Variants in PAPPA2 observed in about 807,000 individuals in gnomAD.
PAPPA2 encodes the protein pappalysin 2, also known as pappalysin-2.
In PAPPA2, 86 loss-of-function variants were observed where a neutral mutation model predicts 176.4. That is an observed-to-expected ratio of 0.49 (90% CI 0.41 to 0.58). PAPPA2 has a LOEUF of 0.58. Ranked by LOEUF, PAPPA2 falls within the 20% of genes least tolerant of loss-of-function variation. The probability of loss-of-function intolerance (pLI) is 0.00; values close to 1 mark genes in which losing one functional copy is unlikely to be tolerated. For missense variants in PAPPA2, 2,073 were observed against 2,256.9 expected, an observed-to-expected ratio of 0.92 and a Z score of 1.65; for synonymous variants, 809 against 852.2, an observed-to-expected ratio of 0.95 and a Z score of 0.88.
intron 4 of PAPPA2, among the ~76,000 whole-genome samples, chr1:176,683,227 C>A (rs1163231344): frequency 6.6e-6 from 1 of 151,926 alleles, no homozygotes; most frequent in African/African-American, 2.4e-5. Flanking sequence ...CTTTTCTTCC[C>A]CCACACCATC....
At chr1:176,678,301 G>A (rs1282064721) in intron 4 of PAPPA2, among the ~76,000 whole-genome samples, 2 of 151,980 alleles carry the variant, frequency 1.3e-5, no homozygotes, top group Non-Finnish European at 2.9e-5. Flanking sequence ...AGTAATTGGG[G>A]CATATAATTT....
At chr1:176,717,384 A>T (rs1179627089) in intron 12 of PAPPA2, among the ~76,000 whole-genome samples, 1 of 152,178 alleles carries the variant, frequency 6.6e-6, no homozygotes, top group Non-Finnish European at 1.5e-5. Context: ...CCCAAAAGTT[A>T]CCCTATATAG....
intron 1 of PAPPA2, among the ~76,000 whole-genome samples, chr1:176,517,741 A>G (rs531868351): frequency 2.8e-4 from 43 of 152,290 alleles, no homozygotes; most frequent in African/African-American, 1.0e-3. Flanking sequence ...ACCACCGGAA[A>G]CAAGGCAGTC....
chr1:176,667,179 G>C (rs1240375105), intron 3 of PAPPA2, among the ~76,000 whole-genome samples: 1 of 151,916 alleles, frequency 6.6e-6, no homozygotes, highest in East Asian at 1.9e-4. Flanking sequence ...CAGGGAGGTG[G>C]AGGTTGTGTT....
In PAPPA2 at chr1:176,469,514, G is replaced by A. The variant is rs531666465; in HGVS notation, c.-917+6096G>A. ...GGAAGAAATGGGGACCGCAGCTTGGGTGATGCCTTGGGAAGTGCTTGTCGT... is the reference window on the plus strand; with the variant it reads ...GGAAGAAATGGGGACCGCAGCTTGGATGATGCCTTGGGAAGTGCTTGTCGT... On this transcript the variant is annotated intron_variant, in intron 1 of 22. Coordinates refer to ENST00000367662, the MANE Select transcript of PAPPA2 (RefSeq NM_020318.3). 1.3e-5 allele frequency among the ~76,000 whole-genome samples: 2 copies of A among 152,316 alleles called. 1 individual carries two copies. Among genetic ancestry groups the A allele is most frequent in the Admixed American group, 1.3e-4 (2 of 15,298 alleles).
chr1:176,801,105 G>GCA (rs111806822), intron 21 of PAPPA2, among the ~76,000 whole-genome samples: 50,641 of 148,806 alleles, frequency 0.34, 9,290 homozygotes, highest in African/African-American at 0.48. Flanking sequence ...ACACACACAC[G>GCA]CACACACACA....
chr1:176,780,700 A>G (rs1399456929), intron 17 of PAPPA2, among the ~76,000 whole-genome samples: 1 of 151,840 alleles, frequency 6.6e-6, no homozygotes, highest in Non-Finnish European at 1.5e-5. Context: ...ATTTGTTTTT[A>G]CAACCGCAAG....
At chr1:176,515,074 A>G (rs1005155482) in intron 1 of PAPPA2, among the ~76,000 whole-genome samples, 3 of 152,230 alleles carry the variant, frequency 2.0e-5, no homozygotes, top group Non-Finnish European at 2.9e-5. Context: ...TATTCACTAG[A>G]CTAGTTTTAA....
chr1:176,510,679 C>T (rs1489014938), intron 1 of PAPPA2, among the ~76,000 whole-genome samples: 1 of 150,924 alleles, frequency 6.6e-6, no homozygotes, highest in Non-Finnish European at 1.5e-5. Context: ...ATAATACATA[C>T]AGATAAAAAT....
rs141329106 is a variant in PAPPA2 at position 176,820,505 on chromosome 1, C to T, written c.5203-19668C>T. The stretch of plus-strand genomic sequence containing the variant: ...GATCAGCCTTCCTGAAGCACACAGC[C>T]GGGGTGTTTCCTTACACATGCACAT... On this transcript the variant is annotated intron_variant, in intron 21 of 22. Transcript: ENST00000367662. Among the ~76,000 whole-genome samples, 959 of 152,258 alleles carry T rather than the reference C, an allele frequency of 6.3e-3. 13 individuals are homozygous for T. Among genetic ancestry groups the T allele is most frequent in the African/African-American group, 0.022 (894 of 41,548 alleles).
In PAPPA2 at chr1:176,724,685, C is replaced by T. The variant is rs541181034; in HGVS notation, c.3798+12704C>T. On this transcript the variant is annotated intron_variant, in intron 12 of 22. Transcript: ENST00000367662. ...TTTCCTCTCTTCCTTTGTTTGGGTT[C>T]GACTCTCCAAACACTGACTGTGAAT... is the stretch of plus-strand genomic sequence containing the variant. Among the ~76,000 whole-genome samples the T allele has an allele frequency of 1.6e-3, 251 of 152,192 alleles. 2 individuals are homozygous for T. Among genetic ancestry groups the T allele is most frequent in the South Asian group, 3.7e-3 (18 of 4,826 alleles).
At chr1:176,736,712 T>G (rs1023002216) in intron 12 of PAPPA2, among the ~76,000 whole-genome samples, 5 of 150,922 alleles carry the variant, frequency 3.3e-5, no homozygotes, top group African/African-American at 1.2e-4. Flanking sequence ...AGTTTCTATG[T>G]CCTTATGTAC....
At chr1:176,672,290 G>T (rs1218111342) in intron 4 of PAPPA2, among the ~76,000 whole-genome samples, 4 of 151,916 alleles carry the variant, frequency 2.6e-5, no homozygotes, top group South Asian at 4.1e-4. Context: ...AAAATTGAGA[G>T]TAATATTTTA....
At chr1:176,727,994 A>T (rs917359355) in intron 12 of PAPPA2, among the ~76,000 whole-genome samples, 4 of 151,956 alleles carry the variant, frequency 2.6e-5, no homozygotes, top group Middle Eastern at 3.2e-3. Flanking sequence ...GGATGCAATT[A>T]AAAAAAGTAC....
chr1:176,522,646 G>A lies in PAPPA2; in HGVS notation c.-916-32761G>A, dbSNP rs150855156. On this transcript the variant is annotated intron_variant, in intron 1 of 22. Transcript: ENST00000367662. ...CCAGTGCTGTTCTCTCTCTCTCTGA[G>A]TGTTAGGCAAGAGGAAAAGCAAACA... is the stretch of plus-strand genomic sequence containing the variant. Among the ~76,000 whole-genome samples, 321 of 152,334 alleles carry A rather than the reference G, an allele frequency of 2.1e-3. 4 individuals carry two copies. Among genetic ancestry groups the A allele is most frequent in the African/African-American group, 7.5e-3 (311 of 41,574 alleles).
chr1:176,770,923 G>T (rs1425235102), intron 16 of PAPPA2, 44 bp from the exon 17 acceptor site: 1 of 1,562,632 alleles, frequency 6.4e-7, no homozygotes, highest in African/African-American at 1.4e-5. Flanking sequence ...ATCTTTCTGG[G>T]CTCTCTGTTC....
At chr1:176,740,935 G>A (rs1021125168) in intron 14 of PAPPA2, among the ~76,000 whole-genome samples, 2 of 152,076 alleles carry the variant, frequency 1.3e-5, no homozygotes, top group Non-Finnish European at 2.9e-5. Context: ...GTTACTAGGT[G>A]ATTATGATCC....
intron 3 of PAPPA2, among the ~76,000 whole-genome samples, chr1:176,669,772 G>T (rs1558508319): frequency 6.6e-6 from 1 of 152,058 alleles, no homozygotes; most frequent in African/African-American, 2.4e-5. Flanking sequence ...TTTCTCAGGT[G>T]CTTTTTGCCA....
intron 7 of PAPPA2, 52 bp downstream of exon 7, chr1:176,695,911 G>T (rs141294900): frequency 6.2e-7 from 1 of 1,602,490 alleles, no homozygotes; most frequent in East Asian, 2.2e-5. Flanking sequence ...CTGAGGATGG[G>T]GGTGGAGGTA....
Sources: allele counts gnomAD v4.1 joint callset (sites outside exome capture counted in the v4.1 genomes callset), GRCh38; gene constraint gnomAD v4.1.1; transcripts MANE v1.5; gene names NCBI Gene and HGNC (gene_info 2026-07-23, HGNC 2026-07-21).